CCDC192: variants seen among roughly 807,000 people sequenced by gnomAD.
The protein encoded by CCDC192 is coiled-coil domain containing 192.
At chr5:127,749,676 T>G (rs1351508985) in intron 2 of CCDC192, among the ~76,000 whole-genome samples, 1 of 152,198 alleles carries the variant, frequency 6.6e-6, no homozygotes, top group Non-Finnish European at 1.5e-5. Context: ...TGGAATAGTT[T>G]CAGAAGGAAT....
At chr5:127,746,279 C>T (rs544244891) in intron 2 of CCDC192, among the ~76,000 whole-genome samples, 11 of 152,320 alleles carry the variant, frequency 7.2e-5, no homozygotes, top group South Asian at 2.1e-4. Context: ...TAACAGTCCT[C>T]GTTTATGCCT....
rs1320171151 is a variant in CCDC192 at position 127,941,322 on chromosome 5, G to T, written c.676G>T (p.Glu226Ter). The T allele has an allele frequency of 2.5e-6, 1 of 398,926 alleles. No individual in the cohort carries two copies. Among genetic ancestry groups the T allele is most frequent in the Non-Finnish European group, 4.4e-6 (1 of 226,082 alleles). The allele number at this position is 398,926 out of a possible 1,614,324, so 24.7% of individuals were successfully genotyped here. The change falls in exon 7 of 7, where the codon GAA becomes TAA. Residue 226 changes from glutamate to a stop codon, truncating the protein, a stop_gained. Coordinates refer to ENST00000514853, the MANE Select transcript of CCDC192 (RefSeq NM_001317938.2). LOFTEE classifies it low-confidence loss of function (END_TRUNC). ...RITQLKEVLE[E>*]KERKIQQLEA... ...TACTCAGCTGAAAGAAGTTTTGGAG[G>T]AAAAGGAAAGGAAGATTCAGCAGCT...
chr5:127,868,933 T>C (rs944019203), intron 5 of CCDC192, among the ~76,000 whole-genome samples: 5 of 152,202 alleles, frequency 3.3e-5, no homozygotes, highest in African/African-American at 4.8e-5. Flanking sequence ...TGACTCACCA[T>C]GTCACTTTGG....
intron 3 of CCDC192, among the ~76,000 whole-genome samples, chr5:127,793,514 G>A (rs1158522233): frequency 6.6e-6 from 1 of 152,160 alleles, no homozygotes; most frequent in African/African-American, 2.4e-5. Context: ...TTAGGATTTG[G>A]ATATGATCTA....
At chr5:127,882,888 C>G (rs1003476681) in intron 6 of CCDC192, among the ~76,000 whole-genome samples, 3 of 152,196 alleles carry the variant, frequency 2.0e-5, no homozygotes, top group Non-Finnish European at 4.4e-5. Flanking sequence ...TCTTTCAAAG[C>G]TGTTATTCCC....
At chr5:127,800,376 G>GAAAAAAAAAAAA (rs1168212422) in intron 5 of CCDC192, among the ~76,000 whole-genome samples, 26 of 19,500 alleles carry the variant, frequency 1.3e-3, no homozygotes, top group East Asian at 5.7e-3. Context: ...GAGGTATTCT[G>GAAAAAAAAAAAA]AAAAAAAAAA....
At chr5:127,770,807 G>T (rs1045803673) in intron 3 of CCDC192, among the ~76,000 whole-genome samples, 53 of 152,268 alleles carry the variant, frequency 3.5e-4, no homozygotes, top group African/African-American at 1.2e-3. Flanking sequence ...ATTATATTAT[G>T]CAGGAACATT....
intron 3 of CCDC192, chr5:127,785,842 T>C (rs553441425): frequency 1.1e-5 from 4 of 355,120 alleles, no homozygotes; most frequent in Non-Finnish European, 1.7e-5. Context: ...CATTGTTGTT[T>C]ATGAAGCAAC....
intron 2 of CCDC192, among the ~76,000 whole-genome samples, chr5:127,739,061 T>A (rs1198246553): frequency 1.3e-5 from 2 of 152,204 alleles, no homozygotes; most frequent in Non-Finnish European, 2.9e-5. Flanking sequence ...CTTTGTGGTT[T>A]TATCTACTTT....
At chr5:127,892,372 C>A (rs1193016216) in intron 6 of CCDC192, among the ~76,000 whole-genome samples, 1 of 152,048 alleles carries the variant, frequency 6.6e-6, no homozygotes, top group Admixed American at 6.5e-5. Context: ...AAGATTAACT[C>A]CTGGATGGAA....
chr5:127,755,337 T>C (rs1754515156), intron 3 of CCDC192, among the ~76,000 whole-genome samples: 2 of 152,152 alleles, frequency 1.3e-5, no homozygotes, highest in Non-Finnish European at 2.9e-5. Flanking sequence ...AAGGTGCTTG[T>C]GTTATGAGAA....
chr5:127,846,614 C>T (rs1413728813), intron 5 of CCDC192, among the ~76,000 whole-genome samples: 4 of 151,726 alleles, frequency 2.6e-5, no homozygotes, highest in Admixed American at 1.3e-4. Flanking sequence ...GGATTACAGG[C>T]GCTCACCACC....
intron 6 of CCDC192, among the ~76,000 whole-genome samples, chr5:127,908,659 A>T (rs1753264405): frequency 6.6e-6 from 1 of 152,190 alleles, no homozygotes. Context: ...CTCTGATATG[A>T]TTTATAGACT....
intron 5 of CCDC192, among the ~76,000 whole-genome samples, chr5:127,854,393 A>T (rs1192897030): frequency 6.6e-6 from 1 of 152,182 alleles, no homozygotes; most frequent in Non-Finnish European, 1.5e-5. Flanking sequence ...CAATAAGATA[A>T]TTTTGAGAGA....
intron 5 of CCDC192, among the ~76,000 whole-genome samples, chr5:127,858,572 A>G (rs1462980751): frequency 2.0e-5 from 3 of 152,232 alleles, no homozygotes; most frequent in African/African-American, 7.2e-5. Context: ...TTCCATAACT[A>G]GACTCTAAAT....
intron 5 of CCDC192, among the ~76,000 whole-genome samples, chr5:127,807,702 A>T (rs1282093338): frequency 6.6e-6 from 1 of 152,058 alleles, no homozygotes; most frequent in African/African-American, 2.4e-5. Context: ...GGCCATTTCA[A>T]CCAGAGAGCT....
rs201569049 is a variant in CCDC192, at chr5:127,820,712, AT to A, written c.411+22558del. 9.1e-3 allele frequency among the ~76,000 whole-genome samples: 1,377 copies of A among 152,056 alleles called. 18 individuals are homozygous for A. The highest frequency in any genetic ancestry group is 0.03 in the African/African-American group (1,245 of 41,492). On this transcript the variant is annotated intron_variant, in intron 5 of 6. Coordinates refer to ENST00000514853, the MANE Select transcript of CCDC192 (RefSeq NM_001317938.2). ...ATAGAAAAACACATATATACATGTT[AT>A]TTTTTTTAAGTTGATTTTTTGTTTG...
intron 5 of CCDC192, among the ~76,000 whole-genome samples, chr5:127,843,204 T>A (rs1750373131): frequency 6.6e-6 from 1 of 150,568 alleles, no homozygotes; most frequent in South Asian, 2.1e-4. Context: ...CCGGCTAATT[T>A]TTTTTTTGTA....
intron 6 of CCDC192, among the ~76,000 whole-genome samples, chr5:127,898,611 G>A (rs1016537319): frequency 1.3e-5 from 2 of 152,150 alleles, no homozygotes; most frequent in African/African-American, 4.8e-5. Context: ...ACAAGAGAAG[G>A]AGCTGAGCAT....
Sources: allele counts gnomAD v4.1 joint callset (sites outside exome capture counted in the v4.1 genomes callset), GRCh38; gene constraint gnomAD v4.1.1; transcripts MANE v1.5; gene names NCBI Gene and HGNC (gene_info 2026-07-23, HGNC 2026-07-21).